CACNA1B: variants seen among roughly 807,000 people sequenced by gnomAD.
The protein encoded by CACNA1B is voltage-dependent N-type calcium channel subunit alpha-1B.
A neutral mutation model predicts 247.2 loss-of-function variants in CACNA1B; 70 were observed. The observed-to-expected ratio is 0.28, with a 90% CI of 0.23 to 0.35. The LOEUF (loss-of-function observed/expected upper bound fraction) is 0.35. Ranked by LOEUF, CACNA1B falls within the 10% of genes least tolerant of loss-of-function variation. The pLI is 1.00. For missense variants in CACNA1B, 2,367 were observed against 3,197.4 expected (o/e 0.74, Z 6.26); for synonymous variants, 1,231 against 1,294.4 (o/e 0.95, Z 1.05).
chr9:137,908,241 C>A (rs565208432), intron 3 of CACNA1B, among the ~76,000 whole-genome samples: 1 of 152,138 alleles, frequency 6.6e-6, no homozygotes, highest in Non-Finnish European at 1.5e-5. Context: ...TGAGGCTGGG[C>A]GCGGTGGCTC....
chr9:137,953,408 G>C (rs780162555), intron 7 of CACNA1B, among the ~76,000 whole-genome samples: 1 of 152,216 alleles, frequency 6.6e-6, no homozygotes, highest in Non-Finnish European at 1.5e-5. Context: ...CTGCCACGCT[G>C]AGCAGGACAG....
chr9:137,991,317 G>A (rs944979038), intron 15 of CACNA1B, among the ~76,000 whole-genome samples: 2 of 152,154 alleles, frequency 1.3e-5, no homozygotes, highest in Non-Finnish European at 2.9e-5. Flanking sequence ...AATCGAACAA[G>A]CTGAAGAAAG....
chr9:137,966,019 G>A (rs1259887461), intron 10 of CACNA1B, among the ~76,000 whole-genome samples: 1 of 152,172 alleles, frequency 6.6e-6, no homozygotes, highest in Non-Finnish European at 1.5e-5. Flanking sequence ...TCATCACACA[G>A]TACCTTCTTA....
rs556786936 is a variant in CACNA1B, at chr9:138,102,906, G to A, written c.5319+99G>A. The A allele has an allele frequency of 2.1e-5, 15 of 709,904 alleles. No homozygotes were observed. The highest frequency in any genetic ancestry group is 1.8e-4 in the African/African-American group (10 of 55,882). 44.0% of individuals were successfully genotyped at this position (709,904 alleles called of 1,614,324 possible). ...AGCTCCTCTCCCTTTCAGGGTGCCC[G>A]GCTGTCTGTCTGCCGCTCTGCTGTG... On this transcript the variant is annotated intron_variant, in intron 38 of 46. Coordinates refer to ENST00000371372, the MANE Select transcript of CACNA1B (RefSeq NM_000718.4). The surrounding 1 kb of genome is among the most constrained non-coding windows in gnomAD (Gnocchi z 5.4).
chr9:137,999,333 C>A (rs1336897660), intron 15 of CACNA1B, among the ~76,000 whole-genome samples: 1 of 152,148 alleles, frequency 6.6e-6, no homozygotes, highest in Non-Finnish European at 1.5e-5. Context: ...CATTTAATAT[C>A]TTTCCCATAT....
Position 138,010,195 on chromosome 9 carries a change from G to A in CACNA1B, c.2160+118G>A. The A allele has an allele frequency of 1.4e-6, 1 of 728,742 alleles. No homozygotes were observed. The highest frequency in any genetic ancestry group is 2.4e-6 in the Non-Finnish European group (1 of 418,870). The allele number at this position is 728,742 out of a possible 1,614,324, so 45.1% of individuals were successfully genotyped here. Reference sequence around the variant, plus strand: ...GTCCAGGAGCGTTGCCTTGGGTCCTGGCGGGCAGAGGCTGGTCTGTCACTC... The same window carrying A: ...GTCCAGGAGCGTTGCCTTGGGTCCTAGCGGGCAGAGGCTGGTCTGTCACTC... On this transcript the variant is annotated intron_variant, in intron 17 of 46. Transcript: ENST00000371372. This position sits in a 1 kb window ranked among gnomAD's most constrained non-coding sequence, Gnocchi z 5.3.
chr9:137,962,842 A>G (rs945783357), intron 10 of CACNA1B, among the ~76,000 whole-genome samples: 1 of 152,174 alleles, frequency 6.6e-6, no homozygotes, highest in Non-Finnish European at 1.5e-5. Flanking sequence ...TGGCGATGAG[A>G]AGAATGTATA....
intron 15 of CACNA1B, among the ~76,000 whole-genome samples, chr9:138,001,579 C>T (rs993399365): frequency 1.3e-4 from 19 of 150,346 alleles, no homozygotes; most frequent in African/African-American, 4.4e-4. Context: ...AAGCTAATGT[C>T]GTAAGAAAAA....
chr9:138,119,924 C>T (rs1962020500), intron 44 of CACNA1B, among the ~76,000 whole-genome samples: 1 of 152,192 alleles, frequency 6.6e-6, no homozygotes, highest in South Asian at 2.1e-4. Flanking sequence ...GTTCTTCCAA[C>T]CAAGCCAGCC....
At position 138,073,431 on chromosome 9, in the gene CACNA1B, G is replaced by A; in HGVS notation, c.4675-57G>A. The A allele has an allele frequency of 9.6e-7, 1 of 1,041,092 alleles. No individual in the cohort carries two copies. Among genetic ancestry groups the A allele is most frequent in the Non-Finnish European group, 1.5e-6 (1 of 661,056 alleles). 64.5% of individuals were successfully genotyped at this position (1,041,092 alleles called of 1,614,324 possible). ...GGGAAGAGGTTGTAGGGTGGCAGCA[G>A]CTTGCCTGCGCTTTCGGGGCTTCTG... On this transcript the variant is annotated intron_variant, in intron 32 of 46. Transcript: ENST00000371372. The surrounding 1 kb of genome is among the most constrained non-coding windows in gnomAD (Gnocchi z 6.4).
Position 138,052,476 on chromosome 9 carries a change from C to T in CACNA1B, c.3807+288C>T, listed in dbSNP as rs1237030404. Among the ~76,000 whole-genome samples the T allele has an allele frequency of 1.3e-5, 2 of 151,998 alleles. No individual in the cohort carries two copies. The highest frequency in any genetic ancestry group is 2.9e-5 in the Non-Finnish European group (2 of 68,014). Reference sequence around the variant, plus strand: ...GCGGGAAAGGCTGCCGGGACAGGTGCAGGGTGGTGGAGGGAGATGCTGGAG... The same window carrying T: ...GCGGGAAAGGCTGCCGGGACAGGTGTAGGGTGGTGGAGGGAGATGCTGGAG... On this transcript the variant is annotated intron_variant, in intron 25 of 46. Coordinates refer to ENST00000371372, the MANE Select transcript of CACNA1B (RefSeq NM_000718.4). This position sits in a 1 kb window ranked among gnomAD's most constrained non-coding sequence, Gnocchi z 5.1.
chr9:138,055,052 C>T (rs575673407), intron 26 of CACNA1B, among the ~76,000 whole-genome samples: 95 of 152,138 alleles, frequency 6.2e-4, no homozygotes, highest in Non-Finnish European at 1.0e-3. Flanking sequence ...GGATCGCAGA[C>T]GTCTTCTCCT....
chr9:138,046,176 A>G (rs778768269), intron 21 of CACNA1B, among the ~76,000 whole-genome samples: 1 of 152,164 alleles, frequency 6.6e-6, no homozygotes, highest in Non-Finnish European at 1.5e-5. Flanking sequence ...ATGGAGCTTC[A>G]TCAGGCCTGT....
At chr9:137,967,973 G>A (rs1337108330) in intron 10 of CACNA1B, among the ~76,000 whole-genome samples, 4 of 152,172 alleles carry the variant, frequency 2.6e-5, no homozygotes, top group Non-Finnish European at 5.9e-5. Flanking sequence ...TGCTGCTTGC[G>A]CTTGACTGAA....
rs953252502 is a variant in CACNA1B at position 138,011,262 on chromosome 9, C to T, written c.2160+1185C>T. 3.3e-5 allele frequency among the ~76,000 whole-genome samples: 5 copies of T among 152,166 alleles called. No individual in the cohort carries two copies. The highest frequency in any genetic ancestry group is 2.1e-4 in the South Asian group (1 of 4,822). On this transcript the variant is annotated intron_variant, in intron 17 of 46. Coordinates refer to ENST00000371372, the MANE Select transcript of CACNA1B (RefSeq NM_000718.4). This position sits in a 1 kb window ranked among gnomAD's most constrained non-coding sequence, Gnocchi z 4.2. ...CTGTCCTGGGTGGGCTGCACTGGAG[C>T]GCTGGGGCCCCACTGTCTCTTTAAG...
At chr9:138,024,629 C>CATTATT (rs373825056) in intron 19 of CACNA1B, among the ~76,000 whole-genome samples, 1 of 151,842 alleles carries the variant, frequency 6.6e-6, no homozygotes, top group Non-Finnish European at 1.5e-5. Context: ...TGCTGATGTG[C>CATTATT]ATTATTATTA....
At chr9:137,929,913 G>C (rs183655062) in intron 6 of CACNA1B, among the ~76,000 whole-genome samples, 1 of 152,028 alleles carries the variant, frequency 6.6e-6, no homozygotes, top group Non-Finnish European at 1.5e-5. Flanking sequence ...CTCAGCCTCC[G>C]AAGTAGCAAG....
chr9:137,989,713 AG>A (rs1958409969), intron 15 of CACNA1B, among the ~76,000 whole-genome samples: 1 of 152,232 alleles, frequency 6.6e-6, no homozygotes, highest in Admixed American at 6.5e-5. Context: ...TTTAAGCGTG[AG>A]GGCAGAGCTA....
chr9:137,895,966 G>A (rs532506693), intron 3 of CACNA1B, among the ~76,000 whole-genome samples: 2 of 152,260 alleles, frequency 1.3e-5, no homozygotes, highest in South Asian at 2.1e-4. Flanking sequence ...GTGGCTGGGC[G>A]TAGTGGCTCA....
Sources: gnomAD v4.1 joint callset for allele counts (sites outside exome capture counted in the v4.1 genomes callset) on GRCh38, gnomAD v4.1.1 for gene constraint, Gnocchi (gnomAD v3.1) non-coding constraint, MANE v1.5 for transcripts, NCBI Gene and HGNC (gene_info 2026-07-23, HGNC 2026-07-21) for gene names.